Variants in NCKAP5 observed in about 807,000 individuals in gnomAD.
NCKAP5 encodes NCK associated protein 5.
NCKAP5 carries 92 observed loss-of-function variants against 167.0 expected under a neutral mutation model. That is an observed-to-expected ratio of 0.55 (90% confidence interval 0.47 to 0.66). The LOEUF is 0.66. Ranked by LOEUF, NCKAP5 falls within the 30% of genes least tolerant of loss-of-function variation. The probability of loss-of-function intolerance (pLI) is 0.00; values close to 1 mark genes in which losing one functional copy is unlikely to be tolerated. For synonymous variants in NCKAP5, 891 were observed against 877.4 expected (o/e 1.02, Z -0.27); for missense variants, 2,378 against 2,315.0 (o/e 1.03, Z -0.56).
chr2:133,665,378 A>G, the NCKAP5 span, among the ~76,000 whole-genome samples: 1 of 152,192 alleles, frequency 6.6e-6, no homozygotes, highest in Admixed American at 6.5e-5. Flanking sequence ...CCTAATTTCA[A>G]TACTGTTGTG....
intron 8 of NCKAP5, among the ~76,000 whole-genome samples, chr2:132,907,775 A>G (rs1694117927): frequency 6.6e-6 from 1 of 151,996 alleles, no homozygotes; most frequent in African/African-American, 2.4e-5. Context: ...CTCCTGCCTC[A>G]GCCTCCCGAG....
chr2:133,263,254 T>G (rs1415160913), intron 4 of NCKAP5, among the ~76,000 whole-genome samples: 1 of 148,758 alleles, frequency 6.7e-6, no homozygotes, highest in Non-Finnish European at 1.5e-5. Context: ...AAATACAGAG[T>G]CACAGGCTTG....
At chr2:133,485,559 GA>G (rs1324714208) in intron 3 of NCKAP5, among the ~76,000 whole-genome samples, 1 of 152,134 alleles carries the variant, frequency 6.6e-6, no homozygotes, top group Admixed American at 6.6e-5. Context: ...ACTTGGCTAG[GA>G]ACTAGTGACA....
At chr2:133,101,713 C>T (rs2081519333) in intron 6 of NCKAP5, among the ~76,000 whole-genome samples, 2 of 152,192 alleles carry the variant, frequency 1.3e-5, no homozygotes, top group Admixed American at 1.3e-4. Context: ...AAAACAAATT[C>T]TGAGGCAGGT....
chr2:133,244,494 G>T (rs2150312069), intron 4 of NCKAP5, among the ~76,000 whole-genome samples: 1 of 152,048 alleles, frequency 6.6e-6, no homozygotes, highest in Non-Finnish European at 1.5e-5. Flanking sequence ...AAAATTAAGG[G>T]CTACAATACC....
chr2:133,442,291 A>G (rs1191116712), intron 3 of NCKAP5, among the ~76,000 whole-genome samples: 2 of 152,180 alleles, frequency 1.3e-5, no homozygotes, highest in African/African-American at 4.8e-5. Context: ...AGCTATGCAC[A>G]TAGGAGGCAG....
At chr2:133,061,729 A>G (rs991255234) in intron 6 of NCKAP5, among the ~76,000 whole-genome samples, 1 of 152,184 alleles carries the variant, frequency 6.6e-6, no homozygotes, top group African/African-American at 2.4e-5. Context: ...AAAAAGAAAG[A>G]TACAATTTCA....
At chr2:133,469,613 C>T (rs1692887180) in intron 3 of NCKAP5, among the ~76,000 whole-genome samples, 1 of 152,176 alleles carries the variant, frequency 6.6e-6, no homozygotes, top group South Asian at 2.1e-4. Context: ...TGTTTTCCAA[C>T]TTGCTTCCAT....
intron 6 of NCKAP5, among the ~76,000 whole-genome samples, chr2:133,091,230 T>G (rs2081169363): frequency 6.6e-6 from 1 of 152,140 alleles, no homozygotes; most frequent in African/African-American, 2.4e-5. Flanking sequence ...TCCAAGATAT[T>G]TCTTCATAGG....
chr2:132,880,448 G>C (rs1302497765), intron 8 of NCKAP5, among the ~76,000 whole-genome samples: 1 of 151,944 alleles, frequency 6.6e-6, no homozygotes, highest in Non-Finnish European at 1.5e-5. Flanking sequence ...TGGCCAACAG[G>C]GTGAAACCCC....
intron 3 of NCKAP5, among the ~76,000 whole-genome samples, chr2:133,316,756 C>T (rs1001811012): frequency 3.3e-5 from 5 of 152,148 alleles, no homozygotes; most frequent in African/African-American, 1.2e-4. Flanking sequence ...GATCTGATCA[C>T]ATTTATGTCT....
chr2:133,460,065 C>G (rs889276298), intron 3 of NCKAP5, among the ~76,000 whole-genome samples: 1 of 152,140 alleles, frequency 6.6e-6, no homozygotes, highest in Non-Finnish European at 1.5e-5. Flanking sequence ...CTATTTGTGA[C>G]TAATGCTTAG....
intron 11 of NCKAP5, among the ~76,000 whole-genome samples, chr2:132,849,858 T>G (rs913636851): frequency 3.3e-5 from 5 of 152,186 alleles, no homozygotes; most frequent in African/African-American, 1.2e-4. Context: ...TGAGGGCACA[T>G]TTCTCATGCC....
chr2:132,951,198 G>A (rs997729364), intron 8 of NCKAP5, among the ~76,000 whole-genome samples: 6 of 152,140 alleles, frequency 3.9e-5, no homozygotes, highest in African/African-American at 1.4e-4. Context: ...AGGAGCCCCT[G>A]TCCACCGTGA....
chr2:132,686,649 A>C (rs1685980263), intron 19 of NCKAP5, among the ~76,000 whole-genome samples: 1 of 152,162 alleles, frequency 6.6e-6, no homozygotes, highest in Admixed American at 6.5e-5. Flanking sequence ...CCCCCCTATC[A>C]CTTTAACTTT....
rs570699002 is a variant in NCKAP5, at chr2:133,474,879, C to T, written c.69+42579G>A. On this transcript the variant is annotated intron_variant, in intron 3 of 19. Coordinates refer to ENST00000409261, the MANE Select transcript of NCKAP5 (RefSeq NM_207363.3). ...AGGCTAGAGTGCAGTGGCACAATCT[C>T]GGCTCACTGCAACCTCTGCCTCCTG... Among the ~76,000 whole-genome samples, 11 of 152,082 alleles carry T rather than the reference C, an allele frequency of 7.2e-5. No individual in the cohort carries two copies. The South Asian group carries it at 2.3e-3, about 32-fold the overall frequency.
chr2:133,525,786 C>T (rs72990493), intron 2 of NCKAP5, among the ~76,000 whole-genome samples: 15,561 of 152,038 alleles, frequency 0.1, 1,327 homozygotes, highest in African/African-American at 0.23. Flanking sequence ...TTCTTGAGGC[C>T]TCATCAAGCC....
At chr2:133,510,129 T>C (rs77500544) in intron 3 of NCKAP5, among the ~76,000 whole-genome samples, 2,569 of 152,208 alleles carry the variant, frequency 0.017, 88 homozygotes, top group African/African-American at 0.059. Context: ...TCAGGGGAAA[T>C]GCTGCTGACC....
At chr2:132,756,516 A>G (rs1207122742) in intron 16 of NCKAP5, among the ~76,000 whole-genome samples, 1 of 152,144 alleles carries the variant, frequency 6.6e-6, no homozygotes, top group African/African-American at 2.4e-5. Flanking sequence ...CACCACCAAC[A>G]TTCATTACCA....
Sources: allele counts gnomAD v4.1 joint callset (sites outside exome capture counted in the v4.1 genomes callset), GRCh38; gene constraint gnomAD v4.1.1; transcripts MANE v1.5; gene names NCBI Gene and HGNC (gene_info 2026-07-23, HGNC 2026-07-21).